CEP97: variants seen among roughly 807,000 people sequenced by gnomAD.
The protein encoded by CEP97 is centrosomal protein of 97 kDa.
Under a neutral mutation model 73.1 loss-of-function variants are expected in CEP97, and 43 were observed. That is an observed-to-expected ratio of 0.59 (90% confidence interval 0.46 to 0.76). The LOEUF (loss-of-function observed/expected upper bound fraction) is 0.76, where lower values mean the gene tolerates loss of function less well. Among genes scored for constraint, CEP97 ranks in the 30% least tolerant of loss-of-function variants. The pLI is 0.00. For synonymous variants in CEP97, 337 were observed against 370.0 expected (o/e 0.91, Z 1.02); for missense variants, 939 against 1,014.0 (o/e 0.93, Z 1.00).
At chr3:101,758,947 T>C (rs1939098426) in intron 9 of CEP97, 1 of 154,492 alleles carries the variant, frequency 6.5e-6, no homozygotes, top group African/African-American at 2.4e-5. Flanking sequence ...TTTACTGGTA[T>C]TATCAGGTAG....
chr3:101,743,181 T>C (rs1426894548), intron 6 of CEP97, among the ~76,000 whole-genome samples: 2 of 151,480 alleles, frequency 1.3e-5, no homozygotes, highest in African/African-American at 2.4e-5. Context: ...GGGAGGCAGA[T>C]GTTGCAGTGA....
chr3:101,767,651 A>C lies in CEP97; in HGVS notation c.*2100A>C, dbSNP rs1283375106. ...ACTTGTTAGCAGGATTTCCTTTTTTACCTTTGCCTTGTTTCTTTAGCCCAC... is the reference window on the plus strand; with the variant it reads ...ACTTGTTAGCAGGATTTCCTTTTTTCCCTTTGCCTTGTTTCTTTAGCCCAC... On this transcript the variant is annotated 3_prime_UTR_variant, in exon 11 of 11. Transcript: ENST00000341893. The C allele has an allele frequency of 6.6e-6, 1 of 152,126 alleles. No individual in the cohort carries two copies. Among genetic ancestry groups the C allele is most frequent in the Admixed American group, 6.6e-5 (1 of 15,266 alleles). 9.4% of individuals were successfully genotyped at this position (152,126 alleles called of 1,614,324 possible).
chr3:101,762,408 G>A, intron 9 of CEP97, 77 bp from the exon 10 acceptor site: 2 of 758,060 alleles, frequency 2.6e-6, no homozygotes, highest in African/African-American at 1.8e-5. Flanking sequence ...TACAATGCAT[G>A]TGTTTATGAG....
Position 101,769,197 on chromosome 3 carries a change from G to A in CEP97, c.*3646G>A, listed in dbSNP as rs1175001688. ...TTTTTGTGTGCAAAGTCTTAGAATT[G>A]GATTTATAACATTGATAATAAAAAT... On this transcript the variant is annotated 3_prime_UTR_variant, in exon 11 of 11. Transcript: ENST00000341893. The A allele has an allele frequency of 6.6e-6, 1 of 151,648 alleles. No individual in the cohort carries two copies. The highest frequency in any genetic ancestry group is 1.5e-5 in the Non-Finnish European group (1 of 67,974). 9.4% of individuals were successfully genotyped at this position (151,648 alleles called of 1,614,324 possible). A position where few individuals can be genotyped will look rare whatever the true frequency, so the allele number is the denominator to read the frequency against.
rs1184115842 is a variant in CEP97 at position 101,769,603 on chromosome 3, A to C, written c.*4052A>C. On this transcript the variant is annotated 3_prime_UTR_variant, in exon 11 of 11. Transcript: ENST00000341893. ...AGTGCTGAGATTACAGGTGTGAGCC[A>C]CTGTGCCCAGCCGAGACTTCATTGT... 6.6e-6 allele frequency: 1 copy of C among 152,204 alleles called. No individual in the cohort carries two copies. The highest frequency in any genetic ancestry group is 2.4e-5 in the African/African-American group (1 of 41,442). 9.4% of individuals were successfully genotyped at this position (152,204 alleles called of 1,614,324 possible). A position where few individuals can be genotyped will look rare whatever the true frequency, so the allele number is the denominator to read the frequency against.
chr3:101,734,894 G>C (rs1286659819), intron 6 of CEP97, among the ~76,000 whole-genome samples: 1 of 152,172 alleles, frequency 6.6e-6, no homozygotes, highest in Non-Finnish European at 1.5e-5. Context: ...GATGAGACCT[G>C]CTTACGATAG....
intron 6 of CEP97, among the ~76,000 whole-genome samples, chr3:101,751,184 C>T (rs1576692153): frequency 2.0e-5 from 3 of 152,202 alleles, no homozygotes; most frequent in Admixed American, 6.5e-5. Context: ...AGTAGTCAAT[C>T]TGGAGCAGGT....
At chr3:101,745,912 C>A (rs141232334) in intron 6 of CEP97, among the ~76,000 whole-genome samples, 7 of 152,026 alleles carry the variant, frequency 4.6e-5, no homozygotes, top group African/African-American at 7.3e-5. Context: ...CTGCTCCCCC[C>A]ACCCCACAAC....
intron 2 of CEP97, 108 bp from the exon 3 acceptor site, chr3:101,727,275 G>A: frequency 1.2e-6 from 1 of 834,340 alleles, no homozygotes; most frequent in South Asian, 1.9e-5. Flanking sequence ...TACAAAAGGA[G>A]TTTGTTTGAG....
At chr3:101,742,672 T>A (rs1247770913) in intron 6 of CEP97, among the ~76,000 whole-genome samples, 1 of 150,988 alleles carries the variant, frequency 6.6e-6, no homozygotes, top group Non-Finnish European at 1.5e-5. Flanking sequence ...CACCATGGCA[T>A]GCGTATACCT....
chr3:101,727,276 T>A, intron 2 of CEP97, 107 bp from the exon 3 acceptor site: 1 of 827,744 alleles, frequency 1.2e-6, no homozygotes, highest in South Asian at 2.0e-5. Flanking sequence ...ACAAAAGGAG[T>A]TTGTTTGAGA....
chr3:101,732,674 C>T lies in CEP97; in HGVS notation c.728+20C>T, dbSNP rs779468802. 6.3e-7 allele frequency: 1 copy of T among 1,582,718 alleles called. No individual in the cohort carries two copies. The highest frequency in any genetic ancestry group is 8.6e-7 in the Non-Finnish European group (1 of 1,158,708). On this transcript the variant is annotated intron_variant, in intron 6 of 10. Transcript: ENST00000341893. ...GGAAAGGTAAACATGTGCTCTTTAA[C>T]ATCACAAATGTTACTGAAAAGACCA...
intron 4 of CEP97, among the ~76,000 whole-genome samples, chr3:101,729,333 G>A (rs1938016851): frequency 7.8e-6 from 1 of 128,274 alleles, no homozygotes; most frequent in East Asian, 2.2e-4. Context: ...GTGAGACTCA[G>A]TCTCAAAAAA....
rs569221855 is a variant in CEP97 at position 101,737,813 on chromosome 3, A to C, written c.728+5159A>C. Among the ~76,000 whole-genome samples the C allele has an allele frequency of 2.1e-4, 32 of 152,282 alleles. No individual in the cohort carries two copies. The South Asian group carries it at 4.8e-3, about 23-fold the overall frequency. On this transcript the variant is annotated intron_variant, in intron 6 of 10. Coordinates refer to ENST00000341893, the MANE Select transcript of CEP97 (RefSeq NM_024548.4). ...AGTGAAATAACCAGCTAGCATCAAA[A>C]TGACAGGATCAAATTCACACATAAC...
chr3:101,750,258 T>TC (rs1224298349), intron 6 of CEP97, among the ~76,000 whole-genome samples: 2 of 148,462 alleles, frequency 1.3e-5, no homozygotes, highest in African/African-American at 5.0e-5. Context: ...GGGAATCCTT[T>TC]CCCCATTGCT....
intron 7 of CEP97, among the ~76,000 whole-genome samples, chr3:101,756,368 C>T (rs547982562): frequency 1.5e-4 from 22 of 146,586 alleles, no homozygotes; most frequent in African/African-American, 4.3e-4. Context: ...ACCCCTCCCC[C>T]TTTTTTCTTT....
At chr3:101,749,188 C>T (rs1240371671) in intron 6 of CEP97, among the ~76,000 whole-genome samples, 1 of 137,862 alleles carries the variant, frequency 7.3e-6, no homozygotes, top group South Asian at 2.4e-4. Flanking sequence ...TGGTCCCCTT[C>T]CTGTGTCCAT....
rs376820648 is a variant in CEP97, at chr3:101,733,621, C to T, written c.728+967C>T. Among the ~76,000 whole-genome samples the T allele has an allele frequency of 4.6e-5, 7 of 151,378 alleles. No homozygotes were observed. The South Asian group carries it at 1.2e-3, about 27-fold the overall frequency. On this transcript the variant is annotated intron_variant, in intron 6 of 10. Coordinates refer to ENST00000341893, the MANE Select transcript of CEP97 (RefSeq NM_024548.4). ...TCTCGGCTCACTGCAAGCTCCGCCT[C>T]CCGGGTTCACGCCATTCTCCTGCCT... is the stretch of plus-strand genomic sequence containing the variant.
chr3:101,758,426 G>A lies in CEP97; in HGVS notation c.1817+3G>A. On this transcript the variant is annotated splice_donor_region_variant and intron_variant, in intron 9 of 10. Coordinates refer to ENST00000341893, the MANE Select transcript of CEP97 (RefSeq NM_024548.4). ...TGCTTAACTGATGAAATAAGGAGGT[G>A]GGTCAGAAGTCCTTTTGATGCACTG... 1 of 1,613,644 alleles carries A rather than the reference G, an allele frequency of 6.2e-7. No individual in the cohort carries two copies. The highest frequency in any genetic ancestry group is 8.5e-7 in the Non-Finnish European group (1 of 1,179,974).
Sources: gnomAD v4.1 joint callset for allele counts (sites outside exome capture counted in the v4.1 genomes callset) on GRCh38, gnomAD v4.1.1 for gene constraint, MANE v1.5 for transcripts, NCBI Gene and HGNC (gene_info 2026-07-23, HGNC 2026-07-21) for gene names.